Variants in FAM20B observed in about 807,000 individuals in gnomAD.
FAM20B encodes FAM20B glycosaminoglycan xylosylkinase, also known as glycosaminoglycan xylosylkinase.
A neutral mutation model predicts 43.8 loss-of-function variants in FAM20B; 23 were observed. That is an observed-to-expected ratio of 0.53 (90% CI 0.38 to 0.74). The LOEUF (loss-of-function observed/expected upper bound fraction) is 0.74. Ranked by LOEUF, FAM20B falls within the 30% of genes least tolerant of loss-of-function variation. FAM20B has a pLI of 0.00. For missense variants in FAM20B, 440 were observed against 510.5 expected, an observed-to-expected ratio of 0.86 and a Z score of 1.33; for synonymous variants, 178 against 192.4, an observed-to-expected ratio of 0.93 and a Z score of 0.62.
rs1307582759 is a variant in FAM20B at position 179,074,205 on chromosome 1, C to T, written c.*2061C>T. ...GAACAATGGGCTGAGTTATAAAAAG[C>T]GTGTATTGAATTTAAGAAGACAGAC... On this transcript the variant is annotated 3_prime_UTR_variant, in exon 8 of 8. Transcript: ENST00000263733. 1 of 152,448 alleles carries T rather than the reference C, an allele frequency of 6.6e-6. No homozygotes were observed. Among genetic ancestry groups the T allele is most frequent in the Non-Finnish European group, 1.5e-5 (1 of 67,990 alleles). The allele number at this position is 152,448 out of a possible 1,614,324, so 9.4% of individuals were successfully genotyped here.
At chr1:179,069,355 ATTTTGT>A (rs1008074672) in intron 7 of FAM20B, among the ~76,000 whole-genome samples, 9 of 151,988 alleles carry the variant, frequency 5.9e-5, no homozygotes, top group African/African-American at 2.2e-4. Context: ...AGCAGAGCAC[ATTTTGT>A]TTTTGTTTTT....
chr1:179,071,767 T>G, intron 7 of FAM20B, 146 bp from the exon 8 acceptor site: 1 of 634,036 alleles, frequency 1.6e-6, no homozygotes, highest in Non-Finnish European at 2.9e-6. Flanking sequence ...GGCTTACTCA[T>G]TATGTAGGGG....
At position 179,073,074 on chromosome 1, in the gene FAM20B, G is replaced by A. The variant is rs1234978450; in HGVS notation, c.*930G>A. The A allele has an allele frequency of 1.3e-5, 2 of 152,172 alleles. No homozygotes were observed. The highest frequency in any genetic ancestry group is 2.9e-5 in the Non-Finnish European group (2 of 68,024). The allele number at this position is 152,172 out of a possible 1,614,324, so 9.4% of individuals were successfully genotyped here. A position where few individuals can be genotyped will look rare whatever the true frequency, so the allele number is the denominator to read the frequency against. ...ATACCTTGAATAACAGGTTGCCTGTGGTCTCTGTCATCCTCGTTTCTCTTC... is the reference window on the plus strand; with the variant it reads ...ATACCTTGAATAACAGGTTGCCTGTAGTCTCTGTCATCCTCGTTTCTCTTC... On this transcript the variant is annotated 3_prime_UTR_variant, in exon 8 of 8. Transcript: ENST00000263733.
chr1:179,064,250 T>C, intron 5 of FAM20B, 55 bp from the exon 6 acceptor site: 1 of 1,490,122 alleles, frequency 6.7e-7, no homozygotes, highest in East Asian at 2.3e-5. Context: ...TCTTTGTGTG[T>C]AACAGTGCCA....
At chr1:179,055,871 A>G (rs1651196602) in intron 4 of FAM20B, among the ~76,000 whole-genome samples, 1 of 152,244 alleles carries the variant, frequency 6.6e-6, no homozygotes, top group African/African-American at 2.4e-5. Context: ...ACAAGGGCAT[A>G]AAGACTGGAA....
At chr1:179,067,162 A>G (rs576977764) in intron 7 of FAM20B, among the ~76,000 whole-genome samples, 3 of 152,270 alleles carry the variant, frequency 2.0e-5, no homozygotes, top group East Asian at 1.9e-4. Context: ...CTGCCAAAAA[A>G]AAAAAAAGGA....
the FAM20B span, among the ~76,000 whole-genome samples, chr1:179,019,038 A>T: frequency 1.3e-5 from 2 of 152,224 alleles, no homozygotes; most frequent in Non-Finnish European, 2.9e-5. Flanking sequence ...ACCTTCTTCT[A>T]CATTTTTGTT....
chr1:179,073,393 G>T lies in FAM20B; in HGVS notation c.*1249G>T, dbSNP rs748037496. 2 of 152,124 alleles carry T rather than the reference G, an allele frequency of 1.3e-5. No individual in the cohort carries two copies. The highest frequency in any genetic ancestry group is 2.9e-5 in the Non-Finnish European group (2 of 68,066). The allele number at this position is 152,124 out of a possible 1,614,324, so 9.4% of individuals were successfully genotyped here. A position where few individuals can be genotyped will look rare whatever the true frequency, so the allele number is the denominator to read the frequency against. The stretch of plus-strand genomic sequence containing the variant: ...TGCAGTGGCACGATCTTGGCTTACT[G>T]CAACCTCCGTCTCCCAGGTTCAAGC... On this transcript the variant is annotated 3_prime_UTR_variant, in exon 8 of 8. Coordinates refer to ENST00000263733, the MANE Select transcript of FAM20B (RefSeq NM_014864.4).
chr1:179,070,134 C>G (rs1651853811), intron 7 of FAM20B, among the ~76,000 whole-genome samples: 1 of 152,082 alleles, frequency 6.6e-6, no homozygotes, highest in African/African-American at 2.4e-5. Flanking sequence ...CAACCTCCGC[C>G]TCCCAGGTTC....
At chr1:179,050,149 T>C (rs1650944140) in intron 2 of FAM20B, 130 bp from the exon 3 acceptor site, 2 of 608,772 alleles carry the variant, frequency 3.3e-6, no homozygotes, top group Non-Finnish European at 6.0e-6. Flanking sequence ...TCCACAGTTG[T>C]TTGCAGGGTT....
Position 179,035,222 on chromosome 1 carries a change from T to C in FAM20B, c.-133-8493T>C, listed in dbSNP as rs141431064. The C allele has an allele frequency of 2.8e-3, 1,273 of 447,916 alleles. 14 individuals are homozygous for C. Among genetic ancestry groups the C allele is most frequent in the African/African-American group, 0.024 (1,172 of 49,270 alleles). The allele number at this position is 447,916 out of a possible 1,614,324, so 27.7% of individuals were successfully genotyped here. A position where few individuals can be genotyped will look rare whatever the true frequency, so the allele number is the denominator to read the frequency against. ...CTTTTCTGTAAATGTTCCTCCACCA[T>C]CAGCCAGATTTTTTTTTAAGTACAA... On this transcript the variant is annotated intron_variant, in intron 1 of 7. Transcript: ENST00000263733.
the FAM20B span, among the ~76,000 whole-genome samples, chr1:179,020,768 G>A: frequency 1.3e-5 from 2 of 152,112 alleles, no homozygotes; most frequent in African/African-American, 4.8e-5. Context: ...CAGGCATAGA[G>A]CTATTTAAAA....
intron 7 of FAM20B, among the ~76,000 whole-genome samples, chr1:179,071,273 G>A (rs1651911839): frequency 6.6e-6 from 1 of 152,018 alleles, no homozygotes; most frequent in Admixed American, 6.6e-5. Context: ...TCCAGCCTGG[G>A]CGACAGAGCA....
At chr1:179,039,843 A>G (rs902342066) in intron 1 of FAM20B, among the ~76,000 whole-genome samples, 32 of 152,026 alleles carry the variant, frequency 2.1e-4, no homozygotes, top group African/African-American at 7.5e-4. Flanking sequence ...ACAAGTGAAC[A>G]AAGGTCTCTG....
intron 1 of FAM20B, among the ~76,000 whole-genome samples, chr1:179,028,060 G>T (rs1037009006): frequency 1.3e-5 from 2 of 152,000 alleles, no homozygotes; most frequent in Non-Finnish European, 2.9e-5. Context: ...GAAACTTTCT[G>T]TTCCTTCAGT....
At chr1:179,018,003 G>GATT in the FAM20B span, among the ~76,000 whole-genome samples, 1 of 152,206 alleles carries the variant, frequency 6.6e-6, no homozygotes, top group South Asian at 2.1e-4. Flanking sequence ...GTAAGCTGCT[G>GATT]ATTAGCAGGC....
chr1:179,035,360 G>T, intron 1 of FAM20B: 7 of 700,238 alleles, frequency 1.0e-5, no homozygotes, highest in South Asian at 9.6e-5. Flanking sequence ...CTAAATCGGG[G>T]TAGGGGTGTT....
the FAM20B span, among the ~76,000 whole-genome samples, chr1:179,019,454 T>C: frequency 6.9e-6 from 1 of 145,406 alleles, no homozygotes; most frequent in African/African-American, 2.6e-5. Context: ...TTTTTTTTTT[T>C]GTTTGTTTGT....
At chr1:179,039,612 A>T (rs74385521) in intron 1 of FAM20B, among the ~76,000 whole-genome samples, 5 of 152,190 alleles carry the variant, frequency 3.3e-5, no homozygotes, top group African/African-American at 1.2e-4. Flanking sequence ...CTAAGTAGAA[A>T]TATGTGTCTG....
Sources: allele counts gnomAD v4.1 joint callset (sites outside exome capture counted in the v4.1 genomes callset), GRCh38; gene constraint gnomAD v4.1.1; transcripts MANE v1.5; gene names NCBI Gene and HGNC (gene_info 2026-07-23, HGNC 2026-07-21).